KIRREL2: variants seen among roughly 807,000 people sequenced by gnomAD.
KIRREL2 encodes kin of IRRE-like protein 2.
A neutral mutation model predicts 73.4 loss-of-function variants in KIRREL2; 56 were observed. That is an observed-to-expected ratio of 0.76 (90% CI 0.62 to 0.95). The LOEUF (loss-of-function observed/expected upper bound fraction) is 0.95. Among genes scored for constraint, KIRREL2 ranks in the 40% least tolerant of loss-of-function variants. The pLI is 0.00. For synonymous variants in KIRREL2, 407 were observed against 404.0 expected, an observed-to-expected ratio of 1.01 and a Z score of -0.09; for missense variants, 896 against 935.0, an observed-to-expected ratio of 0.96 and a Z score of 0.54.
At chr19:35,859,705 G>T in intron 5 of KIRREL2, 74 bp downstream of exon 5, 1 of 1,542,214 alleles carries the variant, frequency 6.5e-7, no homozygotes, top group Non-Finnish European at 8.8e-7. Flanking sequence ...GGGGACTGTG[G>T]CCCTTGGGGA....
intron 1 of KIRREL2, 27 bp downstream of exon 1, chr19:35,857,207 A>C: frequency 4.0e-6 from 2 of 494,418 alleles, no homozygotes; most frequent in Non-Finnish European, 7.5e-6. Flanking sequence ...GCGGAGGAAT[A>C]TGGGGTGGGG....
upstream of KIRREL2, chr19:35,851,631 A>T (rs201546612): frequency 1.9e-6 from 3 of 1,613,966 alleles, no homozygotes; most frequent in African/African-American, 4.0e-5. Flanking sequence ...AGGGCCCAGA[A>T]GCCCCGGGGA....
rs541355037 is a variant in KIRREL2, at chr19:35,866,801, G to A, written c.*309G>A. On this transcript the variant is annotated 3_prime_UTR_variant, in exon 15 of 15. Coordinates refer to ENST00000360202, the MANE Select transcript of KIRREL2 (RefSeq NM_199180.4). ...GTGGGTGTTGGGAGTTTGGGGCCGG[G>A]ATGGAAGTTGTTTCTAGCCACTGAA... 7 of 500,778 alleles carry A rather than the reference G, an allele frequency of 1.4e-5. No homozygotes were observed. Among genetic ancestry groups the A allele is most frequent in the Admixed American group, 4.1e-5 (1 of 24,238 alleles). The allele number at this position is 500,778 out of a possible 1,614,324, so 31.0% of individuals were successfully genotyped here.
chr19:35,856,668 C>A (rs1973435125), upstream of KIRREL2: 2 of 310,368 alleles, frequency 6.4e-6, no homozygotes, highest in Middle Eastern at 1.1e-3. The surrounding 1 kb of genome is among the most constrained non-coding windows in gnomAD (Gnocchi z 5.9). Context: ...CCCTTGCCTG[C>A]CCCTCAACCC....
chr19:35,852,064 A>G (rs933564398), upstream of KIRREL2, among the ~76,000 whole-genome samples: 1 of 150,630 alleles, frequency 6.6e-6, no homozygotes, highest in Non-Finnish European at 1.5e-5. Context: ...TGTCTCTTTA[A>G]AAAAACTTTT....
chr19:35,860,883 T>C (rs776709699), intron 7 of KIRREL2, 26 bp from the exon 8 acceptor site: 8 of 1,612,696 alleles, frequency 5.0e-6, no homozygotes, highest in South Asian at 4.4e-5. Context: ...GCCCCGGCCA[T>C]GTGACCCCTA....
In KIRREL2 at chr19:35,857,486, A is replaced by T. The variant is rs1437692670; in HGVS notation, c.203A>T (p.Asp68Val). 1 of 1,591,804 alleles carries T rather than the reference A, an allele frequency of 6.3e-7. No individual in the cohort carries two copies. Among genetic ancestry groups the T allele is most frequent in the Admixed American group, 1.8e-5 (1 of 56,282 alleles). ...GGGCTGGCCCTAGGGGGCCAAAGGG[A>T]CCTACCAGGTAAGAGTGTTCTCTCC... ...KSGLALGGQR[D>V]LPGWSRYWIS... Residue 68 changes from aspartate to valine, a missense_variant, in exon 2 of 15, where the codon GAC (aspartate) becomes GTC (valine). Transcript: ENST00000360202.
rs769320138 is a variant in KIRREL2, at chr19:35,861,887, G to T, written c.1373G>T (p.Arg458Leu). ...GAGACATTCCCTGCCCCAGAGAGCC[G>T]CGGGGGACTGGGTCCGGGCCTGATC... is the stretch of plus-strand genomic sequence containing the variant. ...LVETFPAPES[R>L]GGLGPGLISV... is the part of the protein sequence containing the mutation. Residue 458 changes from arginine (R) to leucine (L), a missense_variant, in exon 11 of 15, where the codon CGC becomes CTC. Arg to Leu is a moderately radical substitution (Grantham distance 102). Transcript: ENST00000360202. 1.2e-6 allele frequency: 2 copies of T among 1,600,794 alleles called. No homozygotes were observed. The highest frequency in any genetic ancestry group is 1.7e-6 in the Non-Finnish European group (2 of 1,174,148).
rs767203597 is a variant in KIRREL2, at chr19:35,858,781, C to T, written c.439C>T (p.Arg147Trp). 17 of 1,614,196 alleles carry T rather than the reference C, an allele frequency of 1.1e-5. No homozygotes were observed. The highest frequency in any genetic ancestry group is 1.2e-5 in the Non-Finnish European group (14 of 1,180,044). Residue 147 changes from arginine to tryptophan, a missense_variant, in exon 4 of 15, where the codon CGG becomes TGG. Coordinates refer to ENST00000360202, the MANE Select transcript of KIRREL2 (RefSeq NM_199180.4). Reference sequence around the variant, plus strand: ...TGGAGTTCCTGCGAACCTGACATGTCGGAGCCGTGGGGATGCCCGCCCTAC... The same window carrying T: ...TGGAGTTCCTGCGAACCTGACATGTTGGAGCCGTGGGGATGCCCGCCCTAC... ...VAGVPANLTC[R>W]SRGDARPTPE...
At chr19:35,852,045 CTCTT>C (rs944106790), upstream of KIRREL2, among the ~76,000 whole-genome samples, 51 of 151,790 alleles carry the variant, frequency 3.4e-4, no homozygotes, top group African/African-American at 8.5e-4. Flanking sequence ...ATCTCTGAGT[CTCTT>C]TCTCTGTCTC....
rs1234408318 is a variant in KIRREL2, at chr19:35,861,818, A to T, written c.1304A>T (p.Asp435Val). 3 of 1,587,700 alleles carry T rather than the reference A, an allele frequency of 1.9e-6. No individual in the cohort carries two copies. The highest frequency in any genetic ancestry group is 2.6e-6 in the Non-Finnish European group (3 of 1,167,046). ...TTGTGCCCCCAGGTCTGGTCTTGGG[A>T]TGAGGGCTTCCTGGAGGCGGGGTCG... ...PAPDAVVWSW[D>V]EGFLEAGSQG... The change falls in exon 11 of 15, where the codon GAT becomes GTT. Residue 435 changes from aspartate (D) to valine (V), a missense_variant. Physicochemically the swap from Asp to Val is radical, Grantham distance 152. Transcript: ENST00000360202.
At chr19:35,855,268 C>A (rs1973381297), upstream of KIRREL2, among the ~76,000 whole-genome samples, 1 of 152,032 alleles carries the variant, frequency 6.6e-6, no homozygotes, top group Admixed American at 6.6e-5. Context: ...GGTGCCAGAG[C>A]GTGGAGCTGT....
At chr19:35,851,844 TC>T (rs1397056485), upstream of KIRREL2, 6 of 1,549,992 alleles carry the variant, frequency 3.9e-6, no homozygotes, top group Non-Finnish European at 5.2e-6. Context: ...CCATCACAGG[TC>T]CCCCTACTGT....
chr19:35,861,701 G>T, intron 10 of KIRREL2, 60 bp downstream of exon 10: 1 of 1,588,746 alleles, frequency 6.3e-7, no homozygotes. Flanking sequence ...CTCCCACCTG[G>T]CCCCCCGAAA....
Position 35,857,484 on chromosome 19 carries a change from G to A in KIRREL2, c.201G>A (p.Arg67=). 1.9e-6 allele frequency: 3 copies of A among 1,592,084 alleles called. No individual in the cohort carries two copies. Among genetic ancestry groups the A allele is most frequent in the Non-Finnish European group, 2.6e-6 (3 of 1,170,634 alleles). The change falls in exon 2 of 15, where the codon AGG becomes AGA. Residue 67 remains arginine, a synonymous_variant. Coordinates refer to ENST00000360202, the MANE Select transcript of KIRREL2 (RefSeq NM_199180.4). ...GTGGGCTGGCCCTAGGGGGCCAAAG[G>A]GACCTACCAGGTAAGAGTGTTCTCT... The part of the protein sequence containing the change: ...TKSGLALGGQ[R]DLPGWSRYWI...
At chr19:35,857,607 CG>C in intron 2 of KIRREL2, 113 bp downstream of exon 2, 1 of 1,138,148 alleles carries the variant, frequency 8.8e-7, no homozygotes, top group Non-Finnish European at 1.2e-6. Flanking sequence ...TTGATGGGCT[CG>C]GGTAAACATT....
chr19:35,852,848 G>A (rs886966531), upstream of KIRREL2, among the ~76,000 whole-genome samples: 3 of 151,750 alleles, frequency 2.0e-5, no homozygotes, highest in Middle Eastern at 3.4e-3. Context: ...GTGGCATCTC[G>A]GCTCACTGCA....
rs1324145982 is a variant in KIRREL2 at position 35,858,458 on chromosome 19, C to A, written c.262C>A (p.Leu88Ile). The A allele has an allele frequency of 3.7e-6, 6 of 1,614,156 alleles. No individual in the cohort carries two copies. Among genetic ancestry groups the A allele is most frequent in the Non-Finnish European group, 5.1e-6 (6 of 1,180,030 alleles). Residue 88 changes from leucine (L) to isoleucine (I), a missense_variant, in exon 3 of 15, where the codon CTC (leucine) becomes ATC (isoleucine). Coordinates refer to ENST00000360202, the MANE Select transcript of KIRREL2 (RefSeq NM_199180.4). ...SGNAANGQHD[L>I]HIRPVELEDE... is the part of the protein sequence containing the mutation. ...GAATGCAGCCAATGGCCAGCATGAC[C>A]TCCACATTAGGCCCGTGGAGCTAGA...
chr19:35,857,990 C>CAA (rs112446441), intron 2 of KIRREL2, among the ~76,000 whole-genome samples: 1,782 of 78,212 alleles, frequency 0.023, 44 homozygotes, highest in African/African-American at 0.064. Context: ...GACCCTGTCT[C>CAA]AAAAAAAAAA....
Sources: gnomAD v4.1 joint callset for allele counts (sites outside exome capture counted in the v4.1 genomes callset) on GRCh38, gnomAD v4.1.1 for gene constraint, Gnocchi (gnomAD v3.1) non-coding constraint, MANE v1.5 for transcripts, NCBI Gene and HGNC (gene_info 2026-07-23, HGNC 2026-07-21) for gene names.